The following HS6ST2 variants were observed in gnomAD, a reference collection of about 807,000 sequenced individuals.
The protein encoded by HS6ST2 is heparan-sulfate 6-O-sulfotransferase 2.
In HS6ST2, 17 loss-of-function variants were observed where a neutral mutation model predicts 33.0. The observed-to-expected ratio is 0.52, with a 90% CI of 0.35 to 0.77. HS6ST2 has a LOEUF of 0.77. Ranked by LOEUF, HS6ST2 falls within the 30% of genes least tolerant of loss-of-function variation. The probability of loss-of-function intolerance (pLI) is 0.01; values close to 1 mark genes in which losing one functional copy is unlikely to be tolerated. For missense variants in HS6ST2, 519 were observed against 551.7 expected (o/e 0.94, Z 0.59); for synonymous variants, 248 against 237.1 (o/e 1.05, Z -0.42).
chrX:132,810,244 AT>A (rs201273884), intron 2 of HS6ST2, among the ~76,000 whole-genome samples: 4 of 107,096 alleles, frequency 3.7e-5, no homozygotes, highest in South Asian at 4.2e-4. Context: ...CATCTCTGTA[AT>A]TTTTTTTTTA....
At chrX:132,788,465 C>T (rs967704184) in intron 2 of HS6ST2, among the ~76,000 whole-genome samples, 3 of 111,466 alleles carry the variant, frequency 2.7e-5, no homozygotes, top group Admixed American at 9.6e-5. Context: ...TCTCCTTGGG[C>T]CTCGCTATTT....
chrX:132,838,383 T>C (rs1023101362), intron 2 of HS6ST2, among the ~76,000 whole-genome samples: 1 of 111,782 alleles, frequency 8.9e-6, no homozygotes, highest in Non-Finnish European at 1.9e-5. Flanking sequence ...AGTTCCACTA[T>C]CTAGCACCAG....
At chrX:132,718,702 G>A (rs2064300328) in intron 2 of HS6ST2, among the ~76,000 whole-genome samples, 1 of 110,395 alleles carries the variant, frequency 9.1e-6, no homozygotes, top group African/African-American at 3.3e-5. Flanking sequence ...GGCTATGAGT[G>A]CCAAGCACTT....
chrX:132,812,582 T>G (rs1354396943), intron 2 of HS6ST2, among the ~76,000 whole-genome samples: 2 of 80,070 alleles, frequency 2.5e-5, no homozygotes, highest in Non-Finnish European at 4.8e-5. Context: ...CTTTTTTTTT[T>G]TGGGGGGGGG....
chrX:132,648,538 C>CAAAA lies in HS6ST2; in HGVS notation c.1068-19449_1068-19446dup, dbSNP rs386417567. Among the ~76,000 whole-genome samples the CAAAA allele has an allele frequency of 7.7e-3, 441 of 57,530 alleles. 6 individuals carry two copies. The highest frequency in any genetic ancestry group is 0.023 in the African/African-American group (396 of 17,235). 50.0% of individuals were successfully genotyped at this position (57,530 alleles called of 115,157 possible). ...ACTGAAAATTGCATGTGGAAAGAGA[C>CAAAA]AAAAAAAAAAAAAAAAAAGGTTGGG... is the stretch of plus-strand genomic sequence containing the variant. On this transcript the variant is annotated intron_variant, in intron 4 of 4. Coordinates refer to ENST00000370833, the MANE Select transcript of HS6ST2 (RefSeq NM_001394073.1).
At chrX:132,866,260 T>C (rs2065979034) in intron 2 of HS6ST2, among the ~76,000 whole-genome samples, 2 of 111,610 alleles carry the variant, frequency 1.8e-5, no homozygotes, top group Admixed American at 1.9e-4. Context: ...TGTTTGTTTT[T>C]CTGAGGTTTG....
At chrX:132,654,416 A>T (rs2063716599) in intron 4 of HS6ST2, among the ~76,000 whole-genome samples, 1 of 111,422 alleles carries the variant, frequency 9.0e-6, no homozygotes, top group Non-Finnish European at 1.9e-5. Context: ...AAGTGCCTGT[A>T]GGGTAAGTGT....
rs189356767 is a variant in HS6ST2, at chrX:132,896,235, C to T, written c.947+60573G>A. ...CCTGTAATCCCAGCACTTTGGGAGGCGGAGGCGGGTGGATCACGAGGTCAG... is the reference window on the plus strand; with the variant it reads ...CCTGTAATCCCAGCACTTTGGGAGGTGGAGGCGGGTGGATCACGAGGTCAG... On this transcript the variant is annotated intron_variant, in intron 2 of 4. Transcript: ENST00000370833. 3.1e-3 allele frequency among the ~76,000 whole-genome samples: 338 copies of T among 110,644 alleles called. 3 individuals are homozygous for T. The highest frequency in any genetic ancestry group is 0.01 in the African/African-American group (319 of 30,429).
At chrX:132,743,484 G>A in intron 2 of HS6ST2, among the ~76,000 whole-genome samples, 1 of 112,275 alleles carries the variant, frequency 8.9e-6, no homozygotes, top group Admixed American at 9.4e-5. Flanking sequence ...AGTGACTGAA[G>A]AACTAGGGCA....
intron 2 of HS6ST2, chrX:132,907,353 AAG>A (rs1482039171): frequency 2.2e-5 from 3 of 133,910 alleles, no homozygotes; most frequent in African/African-American, 9.6e-5. Flanking sequence ...GGGCAACAGA[AAG>A]AGCTGTGGCA....
At chrX:132,846,514 G>A (rs919588751) in intron 2 of HS6ST2, among the ~76,000 whole-genome samples, 1 of 111,929 alleles carries the variant, frequency 8.9e-6, no homozygotes, top group Admixed American at 9.5e-5. Flanking sequence ...ACAGAAATCA[G>A]AATAGATGCA....
chrX:132,636,844 A>G (rs1208309355), intron 4 of HS6ST2, among the ~76,000 whole-genome samples: 4 of 112,135 alleles, frequency 3.6e-5, no homozygotes, highest in Non-Finnish European at 5.6e-5. Flanking sequence ...ACTTTCTTAC[A>G]CCAACTACAT....
rs1387324233 is a variant in HS6ST2, at chrX:132,708,470, A to G, written c.972T>C (p.Asp324=). 8.5e-7 allele frequency: 1 copy of G among 1,181,518 alleles called. No individual in the cohort carries two copies. The highest frequency in any genetic ancestry group is 3.1e-5 in the East Asian group (1 of 32,770). Residue 324 remains aspartate (D), a synonymous_variant, in exon 3 of 5, where the codon GAT becomes GAC. Coordinates refer to ENST00000370833, the MANE Select transcript of HS6ST2 (RefSeq NM_001394073.1). The part of the protein sequence containing the change: ...PSRWRIFQIL[D]AASKDKRGSP... Reference sequence around the variant, plus strand: ...AATACATTGTTACTTACCTTGCTGCATCTAGAATCTGAAAAATCCTCCACC... The same window carrying G: ...AATACATTGTTACTTACCTTGCTGCGTCTAGAATCTGAAAAATCCTCCACC...
At chrX:132,710,838 G>GTGGC (rs1262286984) in intron 2 of HS6ST2, among the ~76,000 whole-genome samples, 1 of 111,499 alleles carries the variant, frequency 9.0e-6, no homozygotes. Flanking sequence ...AAGCCTCTAA[G>GTGGC]TGGCAGTTTC....
intron 2 of HS6ST2, among the ~76,000 whole-genome samples, chrX:132,880,418 C>T (rs752815732): frequency 1.1e-4 from 12 of 108,639 alleles, no homozygotes; most frequent in African/African-American, 4.0e-4. Context: ...CACCTGTAGT[C>T]CCAGCTACTT....
Position 132,927,870 on chromosome X carries a change from A to G in HS6ST2, c.947+28938T>C, listed in dbSNP as rs1262100266. The stretch of plus-strand genomic sequence containing the variant: ...AAACCCTGTCTCAGAAAAAAAAAAA[A>G]AAAAGAAAAGAAAAGAAAAAAGAAA... On this transcript the variant is annotated intron_variant, in intron 2 of 4. Coordinates refer to ENST00000370833, the MANE Select transcript of HS6ST2 (RefSeq NM_001394073.1). Among the ~76,000 whole-genome samples the G allele has an allele frequency of 1.5e-4, 16 of 109,569 alleles. No individual in the cohort carries two copies. The East Asian group carries it at 2.3e-3, about 16-fold the overall frequency.
intron 2 of HS6ST2, among the ~76,000 whole-genome samples, chrX:132,948,926 G>A (rs771729725): frequency 2.7e-5 from 3 of 111,738 alleles, no homozygotes; most frequent in South Asian, 3.7e-4. Flanking sequence ...TTGTACCTAC[G>A]GTGTAGTTTC....
rs778426472 is a variant in HS6ST2 at position 132,708,486 on chromosome X, A to G, written c.956T>C (p.Ile319Thr). 8.5e-7 allele frequency: 1 copy of G among 1,183,235 alleles called. No homozygotes were observed. Among genetic ancestry groups the G allele is most frequent in the Non-Finnish European group, 1.1e-6 (1 of 879,303 alleles). ...CCTTGCTGCATCTAGAATCTGAAAAATCCTCCACCTGTTAAAGGAACAGTA... is the reference window on the plus strand; with the variant it reads ...CCTTGCTGCATCTAGAATCTGAAAAGTCCTCCACCTGTTAAAGGAACAGTA... ...DARLRPSRWR[I>T]FQILDAASKD... The change falls in exon 3 of 5, where the codon ATT becomes ACT. Residue 319 changes from isoleucine to threonine, a missense_variant. Ile to Thr is a moderately conservative substitution (Grantham distance 89, BLOSUM62 -1). Coordinates refer to ENST00000370833, the MANE Select transcript of HS6ST2 (RefSeq NM_001394073.1).
At chrX:132,887,380 T>C (rs1402660929) in intron 2 of HS6ST2, among the ~76,000 whole-genome samples, 1 of 112,005 alleles carries the variant, frequency 8.9e-6, no homozygotes, top group Admixed American at 9.5e-5. Context: ...AAAGGAGATC[T>C]GTGAATGTTT....
Sources: allele counts gnomAD v4.1 joint callset (sites outside exome capture counted in the v4.1 genomes callset), GRCh38; gene constraint gnomAD v4.1.1; transcripts MANE v1.5; gene names NCBI Gene and HGNC (gene_info 2026-07-23, HGNC 2026-07-21).